Variants in ROBO2 observed in about 807,000 individuals in gnomAD.
ROBO2 encodes roundabout guidance receptor 2, also known as roundabout homolog 2.
A neutral mutation model predicts 160.8 loss-of-function variants in ROBO2; 53 were observed. The ratio of observed to expected loss-of-function variants is 0.33; its 90% CI spans 0.26 to 0.41. ROBO2 has a LOEUF of 0.41. Ranked by LOEUF, ROBO2 falls within the 10% of genes least tolerant of loss-of-function variation. The pLI is 1.00. For missense variants in ROBO2, 1,577 were observed against 1,722.4 expected, an observed-to-expected ratio of 0.92 and a Z score of 1.49; for synonymous variants, 664 against 611.7, an observed-to-expected ratio of 1.09 and a Z score of -1.26.
chr3:77,101,332 A>C (rs983825389), intron 2 of ROBO2, among the ~76,000 whole-genome samples: 1 of 152,166 alleles, frequency 6.6e-6, no homozygotes, highest in South Asian at 2.1e-4. Flanking sequence ...GTGACTGGGT[A>C]TATAGTGCTA....
At chr3:77,044,422 A>G (rs1232921210) in intron 1 of ROBO2, among the ~76,000 whole-genome samples, 2 of 152,190 alleles carry the variant, frequency 1.3e-5, no homozygotes, top group East Asian at 3.8e-4. Context: ...TTCGAAGAGT[A>G]TTAGAAAAAA....
intron 2 of ROBO2, among the ~76,000 whole-genome samples, chr3:77,292,999 G>C (rs558101197): frequency 6.6e-6 from 1 of 151,358 alleles, no homozygotes; most frequent in East Asian, 2.0e-4. Context: ...CGGTTAAACG[G>C]GTAAGCTGAG....
chr3:77,166,323 T>A (rs183402457), intron 2 of ROBO2, among the ~76,000 whole-genome samples: 2 of 152,274 alleles, frequency 1.3e-5, no homozygotes, highest in Admixed American at 1.3e-4. Context: ...CACAATATTT[T>A]CACACTCAGG....
chr3:76,180,443 C>G (rs1478614036), intron 2 of ROBO2, among the ~76,000 whole-genome samples: 3 of 152,080 alleles, frequency 2.0e-5, no homozygotes, highest in Non-Finnish European at 2.9e-5. Context: ...TTCACTCACC[C>G]CAAATTTGTG....
intron 2 of ROBO2, among the ~76,000 whole-genome samples, chr3:76,378,533 A>G (rs2076461375): frequency 6.6e-6 from 1 of 152,174 alleles, no homozygotes; most frequent in African/African-American, 2.4e-5. Flanking sequence ...AAACATTCGA[A>G]GAATAGGATA....
At chr3:76,713,152 A>T (rs1460002623) in intron 2 of ROBO2, among the ~76,000 whole-genome samples, 1 of 152,228 alleles carries the variant, frequency 6.6e-6, no homozygotes, top group Non-Finnish European at 1.5e-5. Flanking sequence ...GTTCCAGCTA[A>T]CAAGTTTTGG....
intron 4 of ROBO2, among the ~76,000 whole-genome samples, chr3:77,486,530 T>C (rs543005239): frequency 9.2e-6 from 1 of 108,848 alleles, no homozygotes; most frequent in African/African-American, 3.0e-5. Flanking sequence ...TGTTGAACTT[T>C]TTTTCATATG....
chr3:77,086,705 A>C (rs1270611004), intron 1 of ROBO2, among the ~76,000 whole-genome samples: 1 of 152,124 alleles, frequency 6.6e-6, no homozygotes, highest in East Asian at 1.9e-4. Context: ...AAAATCAGTC[A>C]TTGTGTGCAT....
chr3:77,200,899 C>T (rs2082849035), intron 2 of ROBO2, among the ~76,000 whole-genome samples: 1 of 152,108 alleles, frequency 6.6e-6, no homozygotes, highest in Non-Finnish European at 1.5e-5. Flanking sequence ...CCCACCAAGG[C>T]CTCAAATTCC....
rs1223424312 is a variant in ROBO2, at chr3:77,527,385, C to T, written c.934+4483C>T. On this transcript the variant is annotated intron_variant, in intron 6 of 25. Coordinates refer to ENST00000461745, the Ensembl canonical transcript of ROBO2. ...ATTTCTTTTTTATGTTCTCACCACA[C>T]CATTGTAATGTCTACAGCTCGCCCT... The T allele has an allele frequency of 7.8e-7, 1 of 1,287,478 alleles. No individual in the cohort carries two copies. The highest frequency in any genetic ancestry group is 2.3e-5 in the Admixed American group (1 of 43,324). 79.8% of individuals were successfully genotyped at this position (1,287,478 alleles called of 1,614,324 possible).
chr3:75,994,767 C>T (rs1203349524), intron 2 of ROBO2, among the ~76,000 whole-genome samples: 1 of 152,122 alleles, frequency 6.6e-6, no homozygotes, highest in Admixed American at 6.6e-5. Flanking sequence ...GAAGTTAGTA[C>T]AGTTTGGAGT....
chr3:77,302,145 T>A lies in ROBO2; in HGVS notation c.389-175269T>A, dbSNP rs77435890. ...TCCATAGAAATAGCATCTAGCCATG[T>A]TGCCCAGGCTGGTCTCAAACTACTG... On this transcript the variant is annotated intron_variant, in intron 2 of 25. Coordinates refer to ENST00000461745, the Ensembl canonical transcript of ROBO2. Among the ~76,000 whole-genome samples the A allele has an allele frequency of 2.5e-3, 383 of 152,180 alleles. 3 individuals carry two copies. The highest frequency in any genetic ancestry group is 0.014 in the Middle Eastern group (4 of 294).
intron 2 of ROBO2, among the ~76,000 whole-genome samples, chr3:76,217,015 A>G (rs945695127): frequency 4.6e-5 from 7 of 152,146 alleles, no homozygotes; most frequent in Non-Finnish European, 7.3e-5. Context: ...CTCACTCAAA[A>G]CCGCTCAACT....
intron 2 of ROBO2, among the ~76,000 whole-genome samples, chr3:76,461,503 T>C (rs1577358789): frequency 6.6e-6 from 1 of 152,224 alleles, no homozygotes; most frequent in African/African-American, 2.4e-5. Context: ...GTAATATCTA[T>C]GTGGCTTAAA....
At chr3:76,910,329 C>T (rs538505716) in intron 2 of ROBO2, among the ~76,000 whole-genome samples, 7 of 152,080 alleles carry the variant, frequency 4.6e-5, no homozygotes, top group East Asian at 1.9e-4. Context: ...TTGCTAAACA[C>T]GAGGCTATTC....
chr3:76,411,214 T>C (rs1020997808), intron 2 of ROBO2, among the ~76,000 whole-genome samples: 1 of 152,110 alleles, frequency 6.6e-6, no homozygotes, highest in African/African-American at 2.4e-5. Context: ...GACAGAACCT[T>C]GACGTTCAGT....
At chr3:76,769,590 C>CAT (rs1287123987) in intron 2 of ROBO2, among the ~76,000 whole-genome samples, 1 of 151,420 alleles carries the variant, frequency 6.6e-6, no homozygotes, top group African/African-American at 2.4e-5. Context: ...ATAGTCATTT[C>CAT]ATTTTAGTCA....
chr3:76,353,669 C>T (rs973490473), intron 2 of ROBO2, among the ~76,000 whole-genome samples: 1 of 151,946 alleles, frequency 6.6e-6, no homozygotes, highest in Non-Finnish European at 1.5e-5. Flanking sequence ...AAATACAAGG[C>T]AAAGACCATA....
intron 2 of ROBO2, among the ~76,000 whole-genome samples, chr3:76,370,404 T>G (rs1349507006): frequency 6.6e-6 from 1 of 151,942 alleles, no homozygotes; most frequent in Non-Finnish European, 1.5e-5. Context: ...GAAGAAAGAA[T>G]AAATGCTTCA....
Sources: gnomAD v4.1 joint callset for allele counts (sites outside exome capture counted in the v4.1 genomes callset) on GRCh38, gnomAD v4.1.1 for gene constraint, MANE v1.5 for transcripts, NCBI Gene and HGNC (gene_info 2026-07-23, HGNC 2026-07-21) for gene names.